The following DOCK11 variants were observed in gnomAD, a reference collection of about 807,000 sequenced individuals.
DOCK11 encodes dedicator of cytokinesis protein 11.
DOCK11 carries 70 observed loss-of-function variants against 169.1 expected under a neutral mutation model. That is an observed-to-expected ratio of 0.41 (90% CI 0.34 to 0.51). The LOEUF (loss-of-function observed/expected upper bound fraction) is 0.51, where lower values mean the gene tolerates loss of function less well. Among genes scored for constraint, DOCK11 ranks in the 20% least tolerant of loss-of-function variants. The pLI is 0.10. For synonymous variants in DOCK11, 529 were observed against 541.3 expected, an observed-to-expected ratio of 0.98 and a Z score of 0.32; for missense variants, 1,166 against 1,538.8, an observed-to-expected ratio of 0.76 and a Z score of 4.05.
intron 39 of DOCK11, among the ~76,000 whole-genome samples, chrX:118,642,971 T>C (rs990627110): frequency 1.8e-5 from 2 of 112,150 alleles, no homozygotes; most frequent in Admixed American, 1.9e-4. Context: ...TCTCTACTCA[T>C]AGAGGGCTTA....
intron 30 of DOCK11, chrX:118,616,313 T>C (rs2014811491): frequency 2.8e-6 from 2 of 706,071 alleles, no homozygotes; most frequent in Admixed American, 7.4e-5. Context: ...ATTGCTAAGA[T>C]GGATGGGGGC....
At chrX:118,672,577 C>A (rs900944535) in intron 46 of DOCK11, among the ~76,000 whole-genome samples, 3 of 112,281 alleles carry the variant, frequency 2.7e-5, no homozygotes, top group Non-Finnish European at 5.6e-5. Context: ...GGATTACAGG[C>A]GCCCGCCACC....
At chrX:118,567,083 T>G (rs1330920390) in intron 9 of DOCK11, among the ~76,000 whole-genome samples, 2 of 112,199 alleles carry the variant, frequency 1.8e-5, no homozygotes, top group African/African-American at 6.5e-5. Context: ...TATGAATGAT[T>G]TAATCTGATA....
intron 50 of DOCK11, 113 bp from the exon 51 acceptor site, chrX:118,681,581 A>G: frequency 2.0e-6 from 1 of 508,402 alleles, no homozygotes. Context: ...TATATTTCTC[A>G]GATATGGATT....
At chrX:118,672,299 A>G (rs990597128) in intron 46 of DOCK11, among the ~76,000 whole-genome samples, 3 of 112,847 alleles carry the variant, frequency 2.7e-5, no homozygotes, top group African/African-American at 9.6e-5. Context: ...AGCACTAAAC[A>G]GGATTTTTTA....
At chrX:118,507,384 C>T (rs969932404) in intron 1 of DOCK11, among the ~76,000 whole-genome samples, 1 of 88,874 alleles carries the variant, frequency 1.1e-5, no homozygotes, top group Non-Finnish European at 2.3e-5. Flanking sequence ...TTTTTTTTTC[C>T]GGAGACAGAG....
intron 40 of DOCK11, among the ~76,000 whole-genome samples, chrX:118,648,562 A>G: frequency 1.1e-5 from 1 of 93,677 alleles, no homozygotes; most frequent in Non-Finnish European, 2.0e-5. Context: ...TAAATTATAT[A>G]TATTATATAC....
At chrX:118,565,964 A>G (rs765459609) in intron 7 of DOCK11, 41 bp from the exon 8 acceptor site, 3 of 1,154,231 alleles carry the variant, frequency 2.6e-6, no homozygotes, top group Non-Finnish European at 3.5e-6. Context: ...TAGTAAAAGG[A>G]CAACTAAACT....
intron 1 of DOCK11, among the ~76,000 whole-genome samples, chrX:118,509,619 C>T (rs1004268184): frequency 8.9e-6 from 1 of 112,422 alleles, no homozygotes; most frequent in Non-Finnish European, 1.9e-5. Context: ...CCTGGGATAA[C>T]GCAGTCCAGC....
chrX:118,607,887 A>T (rs1040580097), intron 24 of DOCK11, among the ~76,000 whole-genome samples, 185 bp from the exon 25 acceptor site: 2 of 112,448 alleles, frequency 1.8e-5, no homozygotes, highest in African/African-American at 6.5e-5. Flanking sequence ...ATAAGGCCCA[A>T]GCATGTTAGA....
At chrX:118,583,784 C>A (rs2013731030) in intron 14 of DOCK11, among the ~76,000 whole-genome samples, 1 of 111,605 alleles carries the variant, frequency 9.0e-6, no homozygotes, top group Non-Finnish European at 1.9e-5. Context: ...GTAACCTATT[C>A]ACATCCTCCC....
chrX:118,531,327 T>C (rs1362148570), intron 1 of DOCK11, among the ~76,000 whole-genome samples: 2 of 96,293 alleles, frequency 2.1e-5, no homozygotes, highest in Non-Finnish European at 4.1e-5. Flanking sequence ...TGGTGGTGGA[T>C]GACTGTGGTC....
At chrX:118,506,126 C>T (rs1461726875) in intron 1 of DOCK11, among the ~76,000 whole-genome samples, 1 of 110,669 alleles carries the variant, frequency 9.0e-6, no homozygotes, top group Admixed American at 9.6e-5. Flanking sequence ...CGTGGTGGCA[C>T]ATGCGTGTAG....
intron 46 of DOCK11, among the ~76,000 whole-genome samples, chrX:118,671,931 A>G (rs1247472687): frequency 8.9e-6 from 1 of 112,595 alleles, no homozygotes; most frequent in Non-Finnish European, 1.9e-5. Flanking sequence ...CTCCGGCCTT[A>G]GCTTCTCAAA....
Position 118,657,366 on chromosome X carries a change from A to G in DOCK11, c.4969+2405A>G, listed in dbSNP as rs185982115. Among the ~76,000 whole-genome samples, 259 of 112,150 alleles carry G rather than the reference A, an allele frequency of 2.3e-3. 2 individuals are homozygous for G. Among genetic ancestry groups the G allele is most frequent in the Non-Finnish European group, 4.0e-3 (214 of 53,230 alleles). ...AAAAATGATGTTTAAGAGAATTTAC[A>G]TATTTATTTATAGGTGTCATCTATT... On this transcript the variant is annotated intron_variant, in intron 44 of 52. Transcript: ENST00000276202.
intron 1 of DOCK11, among the ~76,000 whole-genome samples, chrX:118,506,254 CAA>C (rs1290955598): frequency 7.0e-5 from 5 of 71,329 alleles, no homozygotes; most frequent in Admixed American, 3.3e-4. Context: ...GACCCTGTCT[CAA>C]AAAAAAAAAA....
At chrX:118,671,264 A>C in intron 46 of DOCK11, 119 bp downstream of exon 46, 4 of 620,430 alleles carry the variant, frequency 6.4e-6, no homozygotes, top group Non-Finnish European at 9.4e-6. Context: ...TATAAGGTTC[A>C]TTACATTATG....
At chrX:118,534,871 T>C (rs1168533973) in intron 1 of DOCK11, among the ~76,000 whole-genome samples, 1 of 112,014 alleles carries the variant, frequency 8.9e-6, no homozygotes, top group Non-Finnish European at 1.9e-5. Context: ...ACTGTTGTTT[T>C]TTTTTGTAAT....
At chrX:118,605,208 T>A (rs1351716526) in intron 23 of DOCK11, 30 bp from the exon 24 acceptor site, 6 of 1,041,155 alleles carry the variant, frequency 5.8e-6, no homozygotes, top group Non-Finnish European at 7.8e-6. Flanking sequence ...TTTCTGTTTG[T>A]TTTCATAACT....
Sources: gnomAD v4.1 joint callset for allele counts (sites outside exome capture counted in the v4.1 genomes callset) on GRCh38, gnomAD v4.1.1 for gene constraint, MANE v1.5 for transcripts, NCBI Gene and HGNC (gene_info 2026-07-23, HGNC 2026-07-21) for gene names.